The following PHACTR2 variants were observed in gnomAD, a reference collection of about 807,000 sequenced individuals.
The protein encoded by PHACTR2 is phosphatase and actin regulator 2, also known as chromosome 6 open reading frame 56.
In PHACTR2, 30 loss-of-function variants were observed where a neutral mutation model predicts 76.0. The observed-to-expected ratio is 0.39, with a 90% CI of 0.30 to 0.54. The LOEUF (loss-of-function observed/expected upper bound fraction) is 0.54, where lower values mean the gene tolerates loss of function less well. PHACTR2 is among the 20% of genes least tolerant of loss of function. The pLI is 0.61. For synonymous variants in PHACTR2, 292 were observed against 292.5 expected (o/e 1.00, Z 0.02); for missense variants, 696 against 781.1 (o/e 0.89, Z 1.30).
At chr6:143,665,088 C>G (rs576541403) in intron 1 of PHACTR2, among the ~76,000 whole-genome samples, 1 of 152,042 alleles carries the variant, frequency 6.6e-6, no homozygotes, top group African/African-American at 2.4e-5. Context: ...CATGAGCCAC[C>G]GCACCCAGCC....
At position 143,689,651 on chromosome 6, in the gene PHACTR2, A is replaced by G. The variant is rs1327086400; in HGVS notation, c.46+11442A>G. On this transcript the variant is annotated intron_variant, in intron 1 of 12. Coordinates refer to ENST00000440869, the MANE Select transcript of PHACTR2 (RefSeq NM_001100164.2). This position sits in a 1 kb window ranked among gnomAD's most constrained non-coding sequence, Gnocchi z 4.4. ...GCCTCTCCCCATTTCAGAATCATAC[A>G]TTTCCTATTATTTCCCATTTTCCCA... is the stretch of plus-strand genomic sequence containing the variant. Among the ~76,000 whole-genome samples the G allele has an allele frequency of 1.3e-5, 2 of 149,192 alleles. No individual in the cohort carries two copies. The highest frequency in any genetic ancestry group is 6.7e-5 in the Admixed American group (1 of 14,970).
At position 143,735,258 on chromosome 6, in the gene PHACTR2, G is replaced by GT. The variant is rs200201413; in HGVS notation, c.215-13726dup. On this transcript the variant is annotated intron_variant, in intron 2 of 12. Coordinates refer to ENST00000440869, the MANE Select transcript of PHACTR2 (RefSeq NM_001100164.2). Reference sequence around the variant, plus strand: ...TTACTTAGTACCCATAAGACAGGGCGTAAGAGGCTATATACAAAAATACAA... The same window carrying GT: ...TTACTTAGTACCCATAAGACAGGGCGTTAAGAGGCTATATACAAAAATACAA... 4.8e-3 allele frequency among the ~76,000 whole-genome samples: 731 copies of GT among 152,084 alleles called. 17 individuals carry two copies. Among genetic ancestry groups the GT allele is most frequent in the East Asian group, 0.043 (225 of 5,178 alleles).
chr6:143,576,632 T>G (rs1383917216), intron 1 of PHACTR2, among the ~76,000 whole-genome samples: 1 of 152,116 alleles, frequency 6.6e-6, no homozygotes, highest in Admixed American at 6.5e-5. Context: ...ATCCTGGCAC[T>G]TTGGGAGGCA....
chr6:143,769,927 C>T (rs1033699198), intron 6 of PHACTR2, among the ~76,000 whole-genome samples: 4 of 152,148 alleles, frequency 2.6e-5, no homozygotes, highest in African/African-American at 9.7e-5. Flanking sequence ...AGATTTCACA[C>T]TGTGGAAAAC....
At position 143,739,284 on chromosome 6, in the gene PHACTR2, C is replaced by G. The variant is rs1366102602; in HGVS notation, c.215-9701C>G. 2.6e-5 allele frequency among the ~76,000 whole-genome samples: 4 copies of G among 152,098 alleles called. No homozygotes were observed. Among genetic ancestry groups the G allele is most frequent in the Admixed American group, 6.5e-5 (1 of 15,272 alleles). ...TTCACCATGTTAGCCAGGATGGTCTCGATCTGCTGACCTCATGATCCACCA... is the reference window on the plus strand; with the variant it reads ...TTCACCATGTTAGCCAGGATGGTCTGGATCTGCTGACCTCATGATCCACCA... On this transcript the variant is annotated intron_variant, in intron 2 of 12. Coordinates refer to ENST00000440869, the MANE Select transcript of PHACTR2 (RefSeq NM_001100164.2). The surrounding 1 kb of genome is among the most constrained non-coding windows in gnomAD (Gnocchi z 4.3).
intron 1 of PHACTR2, among the ~76,000 whole-genome samples, chr6:143,587,172 A>G (rs976936188): frequency 3.9e-5 from 6 of 152,184 alleles, no homozygotes; most frequent in Non-Finnish European, 7.3e-5. Flanking sequence ...GAACATAAAA[A>G]CTTCTTGGAT....
At chr6:143,559,909 C>G (rs1367676405) in intron 1 of PHACTR2, among the ~76,000 whole-genome samples, 1 of 151,674 alleles carries the variant, frequency 6.6e-6, no homozygotes, top group Non-Finnish European at 1.5e-5. Context: ...CGGGGTTTCT[C>G]CATGTTGATC....
intron 11 of PHACTR2, among the ~76,000 whole-genome samples, chr6:143,797,886 T>A (rs1775862944): frequency 6.6e-6 from 1 of 152,188 alleles, no homozygotes; most frequent in Admixed American, 6.5e-5. Context: ...TGCGAGCTCT[T>A]TTTTGGTTCC....
rs934283071 is a variant in PHACTR2 at position 143,760,382 on chromosome 6, T to C, written c.455-19T>C. On this transcript the variant is annotated intron_variant, in intron 4 of 12. Coordinates refer to ENST00000440869, the MANE Select transcript of PHACTR2 (RefSeq NM_001100164.2). The surrounding 1 kb of genome is among the most constrained non-coding windows in gnomAD (Gnocchi z 6.4). ...GTGTGTCTGTATCAGTCTGCTTCTG[T>C]TCACTTTCTCGTTTATAGAGAACAC... The C allele has an allele frequency of 1.3e-6, 2 of 1,593,572 alleles. No homozygotes were observed. Among genetic ancestry groups the C allele is most frequent in the Non-Finnish European group, 1.7e-6 (2 of 1,169,592 alleles).
intron 2 of PHACTR2, among the ~76,000 whole-genome samples, chr6:143,727,466 G>A (rs138414746): frequency 0.011 from 1,634 of 152,164 alleles, 21 homozygotes; most frequent in Non-Finnish European, 0.016. Flanking sequence ...TTTTTGTGGG[G>A]GTGAGTACCT....
Position 143,580,394 on chromosome 6 carries a change from A to G in PHACTR2, c.217+43187A>G, listed in dbSNP as rs1775559305. 6.6e-6 allele frequency among the ~76,000 whole-genome samples: 1 copy of G among 152,380 alleles called. No homozygotes were observed. The highest frequency in any genetic ancestry group is 1.9e-4 in the East Asian group (1 of 5,188). Reference sequence around the variant, plus strand: ...CAGCTACTCTGGAGGCTGAGGCAGGAGAATGGCGTGAACCCAGGAGGCGGG... The same window carrying G: ...CAGCTACTCTGGAGGCTGAGGCAGGGGAATGGCGTGAACCCAGGAGGCGGG... On this transcript the variant is annotated intron_variant, in intron 1 of 11. Coordinates refer to the PHACTR2 transcript ENST00000367584. This position sits in a 1 kb window ranked among gnomAD's most constrained non-coding sequence, Gnocchi z 4.2.
rs576099660 is a variant in PHACTR2, at chr6:143,797,423, C to T, written c.1845+8513C>T. On this transcript the variant is annotated intron_variant, in intron 11 of 12. Transcript: ENST00000440869. ...GAAACTCTTCAGTTTAATTAGATCC[C>T]CGTTTGTCAATTTTGGCTTTTGTTG... 2.0e-5 allele frequency among the ~76,000 whole-genome samples: 3 copies of T among 152,250 alleles called. No individual in the cohort carries two copies. In the East Asian group the frequency reaches 5.8e-4, roughly 29 times the overall value.
Position 143,793,265 on chromosome 6 carries a change from AT to A in PHACTR2, c.1845+4366del, listed in dbSNP as rs916606454. ...TTCATCTCTAGCTGTAACAGAGAGG[AT>A]TTTTTTTTTTAATTTTATGTTGAAA... On this transcript the variant is annotated intron_variant, in intron 11 of 12. Transcript: ENST00000440869. The surrounding 1 kb of genome is among the most constrained non-coding windows in gnomAD (Gnocchi z 4.4). Among the ~76,000 whole-genome samples the A allele has an allele frequency of 1.6e-3, 233 of 148,524 alleles. 1 individual carries two copies. The highest frequency in any genetic ancestry group is 3.8e-3 in the South Asian group (18 of 4,712).
At chr6:143,802,753 A>T (rs567630678) in intron 11 of PHACTR2, among the ~76,000 whole-genome samples, 4 of 151,216 alleles carry the variant, frequency 2.6e-5, no homozygotes, top group African/African-American at 9.7e-5. Context: ...TTATACATGT[A>T]TTTGTCTAAA....
intron 11 of PHACTR2, among the ~76,000 whole-genome samples, chr6:143,802,329 C>G: frequency 6.6e-6 from 1 of 152,100 alleles, no homozygotes; most frequent in East Asian, 1.9e-4. Context: ...CTCTTTCTAT[C>G]TCATGTCTTT....
At chr6:143,560,205 A>G (rs1775246908) in intron 1 of PHACTR2, among the ~76,000 whole-genome samples, 1 of 152,220 alleles carries the variant, frequency 6.6e-6, no homozygotes, top group Admixed American at 6.5e-5. Context: ...AAAAATTAAA[A>G]TCTGTCCTTA....
At chr6:143,719,562 C>T (rs1778393082) in intron 2 of PHACTR2, among the ~76,000 whole-genome samples, 1 of 149,436 alleles carries the variant, frequency 6.7e-6, no homozygotes, top group African/African-American at 2.5e-5. Context: ...GTTAGCCAGG[C>T]TGGTCTTGAA....
chr6:143,774,071 G>A lies in PHACTR2; in HGVS notation c.1445G>A (p.Ser482Asn). Residue 482 changes from serine (S) to asparagine (N), a missense_variant, in exon 8 of 13, where the codon AGT (serine) becomes AAT (asparagine). By Grantham distance (46) the Ser-to-Asn change is conservative. Transcript: ENST00000440869. The surrounding 1 kb of genome is among the most constrained non-coding windows in gnomAD (Gnocchi z 5.4). ...TTTCAATCCTCAGGTGCTTTGGCAA[G>A]TAAAATACGCCGGAGGGATACTCTT... ...EDGSGESALA[S>N]KIRRRDTLAI... 1 of 1,613,498 alleles carries A rather than the reference G, an allele frequency of 6.2e-7. No individual in the cohort carries two copies. Among genetic ancestry groups the A allele is most frequent in the Non-Finnish European group, 8.5e-7 (1 of 1,179,744 alleles).
rs1450854027 is a variant in PHACTR2, at chr6:143,571,389, C to T, written c.217+34182C>T. On this transcript the variant is annotated intron_variant, in intron 1 of 11. Transcript: ENST00000367584. The surrounding 1 kb of genome is among the most constrained non-coding windows in gnomAD (Gnocchi z 4.6). ...GTGGTCTCATGGATATTTCCTTTATCCTATAATCCATTACTATCTACTTTA... is the reference window on the plus strand; with the variant it reads ...GTGGTCTCATGGATATTTCCTTTATTCTATAATCCATTACTATCTACTTTA... Among the ~76,000 whole-genome samples, 2 of 152,106 alleles carry T rather than the reference C, an allele frequency of 1.3e-5. No homozygotes were observed. The highest frequency in any genetic ancestry group is 2.4e-5 in the African/African-American group (1 of 41,418).
Sources: gnomAD v4.1 joint callset for allele counts (sites outside exome capture counted in the v4.1 genomes callset) on GRCh38, gnomAD v4.1.1 for gene constraint, Gnocchi (gnomAD v3.1) non-coding constraint, MANE v1.5 for transcripts, NCBI Gene and HGNC (gene_info 2026-07-23, HGNC 2026-07-21) for gene names.